TECRL: variants seen among roughly 807,000 people sequenced by gnomAD.
TECRL encodes the protein trans-2,3-enoyl-CoA reductase like, also known as trans-2,3-enoyl-CoA reductase-like.
A neutral mutation model predicts 52.8 loss-of-function variants in TECRL; 63 were observed. The ratio of observed to expected loss-of-function variants is 1.19; its 90% CI spans 0.97 to 1.47. The LOEUF (loss-of-function observed/expected upper bound fraction) is 1.47. Ranked by LOEUF, TECRL falls within the 40% of genes most tolerant of loss-of-function variation. TECRL has a pLI of 0.00. For missense variants in TECRL, 482 were observed against 429.6 expected, an observed-to-expected ratio of 1.12 and a Z score of -1.08; for synonymous variants, 164 against 141.9, an observed-to-expected ratio of 1.16 and a Z score of -1.10.
At chr4:64,337,590 G>A (rs569859390) in intron 2 of TECRL, among the ~76,000 whole-genome samples, 196 of 152,210 alleles carry the variant, frequency 1.3e-3, no homozygotes, top group Non-Finnish European at 2.2e-3. Flanking sequence ...CTCAGGATAC[G>A]AAATCAGTAA....
intron 1 of TECRL, among the ~76,000 whole-genome samples, chr4:64,404,151 G>A (rs928779237): frequency 7.2e-6 from 1 of 138,182 alleles, no homozygotes; most frequent in Non-Finnish European, 1.5e-5. Context: ...ACTATTAGAA[G>A]AATTAGAGAA....
chr4:64,374,119 G>C (rs1471783906), intron 2 of TECRL, among the ~76,000 whole-genome samples: 3 of 120,528 alleles, frequency 2.5e-5, no homozygotes, highest in Non-Finnish European at 3.4e-5. Flanking sequence ...CCTTATTATA[G>C]TGCTCTTCTG....
downstream of TECRL, chr4:64,277,048 C>G (rs1364824274): frequency 6.7e-7 from 1 of 1,494,708 alleles, no homozygotes; most frequent in East Asian, 2.5e-5. Context: ...GGCAGTGAGA[C>G]CACCTGGAAA....
In TECRL at chr4:64,404,220, C is replaced by CAAAA. The variant is rs74418503; in HGVS notation, c.234+4894_234+4897dup. On this transcript the variant is annotated intron_variant, in intron 1 of 11. Transcript: ENST00000381210. The stretch of plus-strand genomic sequence containing the variant: ...TTTAAAAAGCTTTTGAGAGTTTTAC[C>CAAAA]AAAAAAAAAAAAAAAACAATAGGAG... 4.9e-3 allele frequency among the ~76,000 whole-genome samples: 566 copies of CAAAA among 115,872 alleles called. 5 individuals are homozygous for CAAAA. The highest frequency in any genetic ancestry group is 0.039 in the East Asian group (152 of 3,946). The allele number at this position is 115,872 out of a possible 152,430, so 76.0% of individuals were successfully genotyped here.
At chr4:64,304,261 C>T (rs2109984486) in intron 7 of TECRL, among the ~76,000 whole-genome samples, 1 of 151,896 alleles carries the variant, frequency 6.6e-6, no homozygotes, top group East Asian at 1.9e-4. Context: ...AGGAAATTTT[C>T]ACTTTCAATA....
chr4:64,347,257 A>G (rs916870115), intron 2 of TECRL, among the ~76,000 whole-genome samples: 8 of 152,154 alleles, frequency 5.3e-5, no homozygotes, highest in Admixed American at 2.0e-4. Flanking sequence ...AAGAACACTG[A>G]CTTATCTGGA....
chr4:64,322,436 A>G (rs933620489), intron 4 of TECRL, among the ~76,000 whole-genome samples: 5 of 149,416 alleles, frequency 3.3e-5, no homozygotes, highest in African/African-American at 1.2e-4. Context: ...GCTCCCAGTA[A>G]TAGAGTGGGT....
At chr4:64,375,410 T>TA (rs970711621) in intron 1 of TECRL, among the ~76,000 whole-genome samples, 187 bp from the exon 2 acceptor site, 1 of 152,080 alleles carries the variant, frequency 6.6e-6, no homozygotes. Flanking sequence ...TATAATTTTT[T>TA]AAAAAAATTT....
intron 2 of TECRL, among the ~76,000 whole-genome samples, chr4:64,345,722 G>A (rs191355760): frequency 3.0e-3 from 456 of 151,188 alleles, no homozygotes; most frequent in Non-Finnish European, 4.9e-3. Context: ...AGAAGTTAAA[G>A]GTTTTCTAAG....
intron 2 of TECRL, among the ~76,000 whole-genome samples, chr4:64,351,658 A>G (rs1398392788): frequency 1.1e-4 from 17 of 152,182 alleles, no homozygotes; most frequent in Admixed American, 1.0e-3. Flanking sequence ...TGACTTGACC[A>G]TTACAAATTC....
intron 2 of TECRL, among the ~76,000 whole-genome samples, chr4:64,369,098 T>C (rs1020925904): frequency 2.6e-5 from 4 of 152,166 alleles, no homozygotes; most frequent in Non-Finnish European, 5.9e-5. Flanking sequence ...TTGTATGGTG[T>C]TTTCAACTAA....
chr4:64,405,677 T>A (rs1457448300), intron 1 of TECRL, among the ~76,000 whole-genome samples: 3 of 152,156 alleles, frequency 2.0e-5, no homozygotes, highest in Non-Finnish European at 2.9e-5. Context: ...GAAGTTTTTT[T>A]TAAATTATGG....
At chr4:64,332,626 GATATAAAC>G (rs1718727235) in intron 2 of TECRL, among the ~76,000 whole-genome samples, 1 of 151,962 alleles carries the variant, frequency 6.6e-6, no homozygotes, top group South Asian at 2.1e-4. Flanking sequence ...AACTATGATT[GATATAAAC>G]ATAAAATACA....
rs778546497 is a variant in TECRL, at chr4:64,409,297, G to A, written c.55C>T (p.Gln19Ter). 8.7e-6 allele frequency: 14 copies of A among 1,613,278 alleles called. No homozygotes were observed. The South Asian group carries it at 1.5e-4, about 18-fold the overall frequency. ...TTCAGTATGAACCGTGTAGCTCTTT[G>A]GGAAAGTAATGCTCTCTTGCGTTCC... ...ASERKRALLSQRATRFILKDD... is the reference protein window; with the variant it reads ...ASERKRALLS Residue 19 changes from glutamine (Q) to a stop codon, truncating the protein, a stop_gained, in exon 1 of 12, where the codon CAA becomes TAA. Coordinates refer to ENST00000381210, the MANE Select transcript of TECRL (RefSeq NM_001010874.5). LOFTEE classifies it high-confidence loss of function.
intron 1 of TECRL, among the ~76,000 whole-genome samples, chr4:64,386,198 T>C (rs1344170490): frequency 2.0e-5 from 3 of 152,176 alleles, no homozygotes; most frequent in Non-Finnish European, 4.4e-5. Context: ...TGCATCTATA[T>C]AATTACAGCA....
intron 2 of TECRL, among the ~76,000 whole-genome samples, chr4:64,372,751 AT>A (rs915140064): frequency 2.3e-4 from 34 of 149,564 alleles, no homozygotes; most frequent in East Asian, 7.8e-4. Context: ...CTGATAACAT[AT>A]TTTTTTTTTC....
At chr4:64,367,729 ATAAAATTG>A (rs1190989476) in intron 2 of TECRL, among the ~76,000 whole-genome samples, 1 of 152,168 alleles carries the variant, frequency 6.6e-6, no homozygotes, top group African/African-American at 2.4e-5. Context: ...AGTATATGGT[ATAAAATTG>A]TTTAAGAATG....
intron 7 of TECRL, among the ~76,000 whole-genome samples, chr4:64,301,484 C>A (rs1724015321): frequency 6.6e-6 from 1 of 151,272 alleles, no homozygotes; most frequent in South Asian, 2.1e-4. Flanking sequence ...AGGCACTGAA[C>A]TTTGCGCTTG....
intron 1 of TECRL, among the ~76,000 whole-genome samples, chr4:64,403,076 T>G (rs1724467790): frequency 3.3e-5 from 5 of 152,030 alleles, no homozygotes; most frequent in Admixed American, 2.6e-4. Flanking sequence ...ATTCCCCGTG[T>G]TCCTATCTCT....
Sources: allele counts gnomAD v4.1 joint callset (sites outside exome capture counted in the v4.1 genomes callset), GRCh38; gene constraint gnomAD v4.1.1; transcripts MANE v1.5; gene names NCBI Gene and HGNC (gene_info 2026-07-23, HGNC 2026-07-21).